Variants in SLC24A3 observed in about 807,000 individuals in gnomAD.
The protein encoded by SLC24A3 is sodium/potassium/calcium exchanger 3.
A neutral mutation model predicts 75.8 loss-of-function variants in SLC24A3; 28 were observed. That is an observed-to-expected ratio of 0.37 (90% CI 0.27 to 0.51). The LOEUF (loss-of-function observed/expected upper bound fraction) is 0.51. Ranked by LOEUF, SLC24A3 falls within the 20% of genes least tolerant of loss-of-function variation. SLC24A3 has a pLI of 0.94. For missense variants in SLC24A3, 663 were observed against 847.8 expected, an observed-to-expected ratio of 0.78 and a Z score of 2.71; for synonymous variants, 372 against 334.1, an observed-to-expected ratio of 1.11 and a Z score of -1.24.
At chr20:19,438,021 G>A (rs1376352433) in intron 2 of SLC24A3, among the ~76,000 whole-genome samples, 2 of 152,182 alleles carry the variant, frequency 1.3e-5, no homozygotes, top group Non-Finnish European at 2.9e-5. Context: ...GAACACCATG[G>A]CTTTCCCTGA....
chr20:19,684,041 G>A (rs534619395), intron 10 of SLC24A3, 135 bp from the exon 11 acceptor site: 2 of 954,528 alleles, frequency 2.1e-6, no homozygotes, highest in African/African-American at 1.6e-5. Context: ...GAGTGGATGA[G>A]TGGATAGATG....
At chr20:19,508,558 C>A (rs944697844) in intron 2 of SLC24A3, among the ~76,000 whole-genome samples, 3 of 151,944 alleles carry the variant, frequency 2.0e-5, no homozygotes, top group African/African-American at 7.3e-5. Context: ...CGTTTAGACT[C>A]ATCAAACTCG....
intron 2 of SLC24A3, among the ~76,000 whole-genome samples, chr20:19,414,923 C>G (rs1296478845): frequency 2.0e-5 from 3 of 152,196 alleles, no homozygotes; most frequent in African/African-American, 7.2e-5. Flanking sequence ...AAATAATTAT[C>G]TTGACTTTGT....
intron 2 of SLC24A3, among the ~76,000 whole-genome samples, chr20:19,321,900 T>G (rs1466149945): frequency 2.0e-5 from 3 of 152,196 alleles, no homozygotes; most frequent in Non-Finnish European, 4.4e-5. Flanking sequence ...GCCATTTTCT[T>G]TTTCTTCCAG....
intron 3 of SLC24A3, among the ~76,000 whole-genome samples, chr20:19,516,524 C>T (rs1179183484): frequency 2.0e-5 from 3 of 152,214 alleles, no homozygotes; most frequent in Admixed American, 6.5e-5. Flanking sequence ...TCCACGGAAT[C>T]CAGGGCCTCA....
chr20:19,671,500 T>G (rs17295618), intron 8 of SLC24A3, among the ~76,000 whole-genome samples: 17,856 of 152,122 alleles, frequency 0.12, 1,416 homozygotes, highest in Non-Finnish European at 0.18. Context: ...AGTCAGTGAT[T>G]GATGAAATAC....
intron 2 of SLC24A3, among the ~76,000 whole-genome samples, chr20:19,304,701 CA>C (rs1319451178): frequency 6.6e-6 from 1 of 151,736 alleles, no homozygotes; most frequent in Non-Finnish European, 1.5e-5. Context: ...AACTAAAAGC[CA>C]ATGGTAAAAC....
chr20:19,277,785 G>A (rs1231360616), intron 1 of SLC24A3, among the ~76,000 whole-genome samples: 1 of 152,124 alleles, frequency 6.6e-6, no homozygotes, highest in Non-Finnish European at 1.5e-5. Context: ...CTCTTAATTG[G>A]TATCAGCTTT....
At chr20:19,605,412 T>C (rs1327387376) in intron 6 of SLC24A3, among the ~76,000 whole-genome samples, 1 of 152,230 alleles carries the variant, frequency 6.6e-6, no homozygotes, top group African/African-American at 2.4e-5. Flanking sequence ...AAGAGGTTTT[T>C]CTTTTCTTTT....
intron 6 of SLC24A3, among the ~76,000 whole-genome samples, chr20:19,601,304 A>C (rs528351553): frequency 5.9e-5 from 9 of 152,116 alleles, no homozygotes; most frequent in Admixed American, 4.6e-4. Flanking sequence ...CTCCAGGTCT[A>C]TTTTCAGCCT....
At chr20:19,341,756 G>A (rs766516102) in intron 2 of SLC24A3, among the ~76,000 whole-genome samples, 7 of 152,108 alleles carry the variant, frequency 4.6e-5, no homozygotes, top group Non-Finnish European at 8.8e-5. Flanking sequence ...GATATCCTCT[G>A]TCTCAGTTCT....
chr20:19,332,412 G>A (rs976837190), intron 2 of SLC24A3, among the ~76,000 whole-genome samples: 17 of 152,256 alleles, frequency 1.1e-4, no homozygotes, highest in African/African-American at 4.1e-4. Context: ...TAGGAGTATA[G>A]CATGATTCCG....
At chr20:19,534,680 C>G (rs1333550127) in intron 3 of SLC24A3, among the ~76,000 whole-genome samples, 1 of 152,168 alleles carries the variant, frequency 6.6e-6, no homozygotes, top group Non-Finnish European at 1.5e-5. Flanking sequence ...ACTGGAATTA[C>G]AGGCCTGAGC....
At chr20:19,469,391 C>G (rs3920511) in intron 2 of SLC24A3, among the ~76,000 whole-genome samples, 146,906 of 152,292 alleles carry the variant, frequency 0.96, 70,903 homozygotes, top group East Asian at 1. Flanking sequence ...CTTGGAGACA[C>G]TGTTTTAGTT....
intron 2 of SLC24A3, among the ~76,000 whole-genome samples, chr20:19,490,569 T>A (rs950259243): frequency 3.3e-4 from 50 of 152,240 alleles, no homozygotes; most frequent in African/African-American, 1.1e-3. Context: ...CTGCTAAATA[T>A]AGTAATTATG....
At chr20:19,680,128 GTCTGTGTGTGTC>G (rs1020260178) in intron 9 of SLC24A3, among the ~76,000 whole-genome samples, 5 of 149,118 alleles carry the variant, frequency 3.4e-5, no homozygotes, top group Admixed American at 6.7e-5. Flanking sequence ...CTGTGTGTGT[GTCTGTGTGTGTC>G]TCTGTGTGTG....
chr20:19,238,966 G>A (rs1208757424), intron 1 of SLC24A3, among the ~76,000 whole-genome samples: 3 of 148,866 alleles, frequency 2.0e-5, no homozygotes, highest in Non-Finnish European at 4.5e-5. Context: ...ATGGGCGCAT[G>A]CACACACACA....
intron 2 of SLC24A3, among the ~76,000 whole-genome samples, chr20:19,297,017 C>CA (rs1270909002): frequency 1.3e-5 from 2 of 152,104 alleles, no homozygotes; most frequent in African/African-American, 4.8e-5. Context: ...TTATTATGAA[C>CA]ATTTGGAAAC....
chr20:19,511,243 G>A (rs540448835), intron 2 of SLC24A3, among the ~76,000 whole-genome samples: 81 of 152,084 alleles, frequency 5.3e-4, no homozygotes, highest in Non-Finnish European at 8.7e-4. Context: ...GTCTGCTCTT[G>A]AGGGCCCCAG....
Sources: allele counts gnomAD v4.1 joint callset (sites outside exome capture counted in the v4.1 genomes callset), GRCh38; gene constraint gnomAD v4.1.1; transcripts MANE v1.5; gene names NCBI Gene and HGNC (gene_info 2026-07-23, HGNC 2026-07-21).